Variants in PTPRM observed in about 807,000 individuals in gnomAD.
PTPRM encodes protein tyrosine phosphatase receptor type M, also known as receptor-type tyrosine-protein phosphatase mu.
Under a neutral mutation model 186.7 loss-of-function variants are expected in PTPRM, and 47 were observed. The ratio of observed to expected loss-of-function variants is 0.25; its 90% CI spans 0.20 to 0.32. PTPRM has a LOEUF of 0.32. PTPRM is among the 10% of genes least tolerant of loss of function. PTPRM has a pLI of 1.00. For synonymous variants in PTPRM, 668 were observed against 674.9 expected (o/e 0.99, Z 0.16); for missense variants, 1,494 against 1,865.0 (o/e 0.80, Z 3.66).
At chr18:7,858,820 G>T (rs2047211169) in intron 2 of PTPRM, among the ~76,000 whole-genome samples, 1 of 152,108 alleles carries the variant, frequency 6.6e-6, no homozygotes, top group South Asian at 2.1e-4. Context: ...CACCTATTAA[G>T]TGCCAGTTAG....
intron 2 of PTPRM, among the ~76,000 whole-genome samples, chr18:7,781,740 C>A (rs2042864222): frequency 6.6e-6 from 1 of 152,154 alleles, no homozygotes; most frequent in Non-Finnish European, 1.5e-5. Flanking sequence ...TCCTTTATAA[C>A]CAAGTCTAAC....
At chr18:8,086,364 C>T (rs1367021706) in intron 10 of PTPRM, among the ~76,000 whole-genome samples, 1 of 152,026 alleles carries the variant, frequency 6.6e-6, no homozygotes, top group African/African-American at 2.4e-5. Flanking sequence ...CAGCTTTTTG[C>T]TTTTAGAGAC....
At chr18:7,577,763 G>T (rs2036726555) in intron 1 of PTPRM, among the ~76,000 whole-genome samples, 1 of 152,136 alleles carries the variant, frequency 6.6e-6, no homozygotes, top group Non-Finnish European at 1.5e-5. Context: ...CATTGGCATT[G>T]TGTTCTGTGT....
At chr18:7,900,793 T>A (rs1195899381) in intron 3 of PTPRM, among the ~76,000 whole-genome samples, 1 of 152,186 alleles carries the variant, frequency 6.6e-6, no homozygotes, top group Admixed American at 6.5e-5. Flanking sequence ...GGGGGAAAAT[T>A]AGATAATATA....
chr18:7,789,162 A>C (rs1167155884), intron 2 of PTPRM, among the ~76,000 whole-genome samples: 1 of 152,054 alleles, frequency 6.6e-6, no homozygotes, highest in Non-Finnish European at 1.5e-5. Flanking sequence ...CTCTACAAAA[A>C]TAAAAATACA....
Position 8,344,474 on chromosome 18 carries a change from A to ATATATATATATCTC in PTPRM, c.3054+955_3054+956insATATATATATCTCT, listed in dbSNP as rs1318982857. Among the ~76,000 whole-genome samples, 721 of 147,186 alleles carry ATATATATATATCTC rather than the reference A, an allele frequency of 4.9e-3. 8 individuals carry two copies. Among genetic ancestry groups the ATATATATATATCTC allele is most frequent in the African/African-American group, 0.018 (694 of 38,584 alleles). On this transcript the variant is annotated intron_variant, in intron 23 of 32. Transcript: ENST00000580170. Reference sequence around the variant, plus strand: ...TATATATATATATATATATATATATATCTAGCAAAAATGGCACATTAACCT... The same window carrying ATATATATATATCTC: ...TATATATATATATATATATATATATATATATATATATCTCTCTAGCAAAAATGGCACATTAACCT...
intron 2 of PTPRM, among the ~76,000 whole-genome samples, chr18:7,877,656 C>CAT (rs1423850876): frequency 6.6e-6 from 1 of 152,182 alleles, no homozygotes; most frequent in Non-Finnish European, 1.5e-5. Context: ...TACTCAAGGA[C>CAT]ATACAAGGTG....
chr18:7,919,751 C>T (rs2050756766), intron 4 of PTPRM, among the ~76,000 whole-genome samples: 2 of 152,066 alleles, frequency 1.3e-5, no homozygotes, highest in South Asian at 4.1e-4. Context: ...TGTAGTTTAA[C>T]TTTAATGTTT....
chr18:7,938,385 A>G (rs1256432743), intron 5 of PTPRM, among the ~76,000 whole-genome samples: 1 of 152,216 alleles, frequency 6.6e-6, no homozygotes, highest in Non-Finnish European at 1.5e-5. Context: ...CTTTTAGATC[A>G]TGTTTGAGAG....
chr18:8,297,869 G>T (rs118177843), intron 20 of PTPRM, among the ~76,000 whole-genome samples: 2 of 152,188 alleles, frequency 1.3e-5, no homozygotes, highest in Non-Finnish European at 2.9e-5. Context: ...TTTAGAGCGT[G>T]CTGTATTTAG....
chr18:8,112,003 C>G (rs1328059944), intron 11 of PTPRM, among the ~76,000 whole-genome samples: 2 of 152,140 alleles, frequency 1.3e-5, no homozygotes, highest in Non-Finnish European at 2.9e-5. Context: ...TTTAGTCTTC[C>G]ACTTTGACCT....
At chr18:7,688,380 T>A (rs955185139) in intron 1 of PTPRM, among the ~76,000 whole-genome samples, 4 of 152,168 alleles carry the variant, frequency 2.6e-5, no homozygotes, top group Non-Finnish European at 5.9e-5. Context: ...AAGAGAATAA[T>A]GGAGAAGGAA....
chr18:7,827,185 A>G (rs1272564068), intron 2 of PTPRM, among the ~76,000 whole-genome samples: 1 of 152,176 alleles, frequency 6.6e-6, no homozygotes, highest in African/African-American at 2.4e-5. Context: ...TAAAATAAAC[A>G]TATGTTCCCT....
chr18:7,705,760 T>C (rs1223019062), intron 1 of PTPRM, among the ~76,000 whole-genome samples: 1 of 151,716 alleles, frequency 6.6e-6, no homozygotes, highest in Non-Finnish European at 1.5e-5. Flanking sequence ...GGTCTTGATA[T>C]GTTTCTCAAT....
chr18:8,106,610 C>T (rs969337405), intron 11 of PTPRM, among the ~76,000 whole-genome samples: 3 of 152,234 alleles, frequency 2.0e-5, no homozygotes, highest in Non-Finnish European at 4.4e-5. Flanking sequence ...ACGGGGCAGT[C>T]TGTGCCTAAT....
intron 2 of PTPRM, among the ~76,000 whole-genome samples, chr18:7,838,547 C>A (rs2046169568): frequency 6.6e-6 from 1 of 152,238 alleles, no homozygotes; most frequent in Non-Finnish European, 1.5e-5. Context: ...TCTAAGCCAC[C>A]TGGAGCTGAG....
intron 7 of PTPRM, among the ~76,000 whole-genome samples, chr18:8,025,670 G>A (rs1276978465): frequency 1.3e-5 from 2 of 152,160 alleles, no homozygotes; most frequent in African/African-American, 2.4e-5. Flanking sequence ...CGATATTAGC[G>A]AGAGAACTTT....
At chr18:8,031,569 A>T (rs1401743715) in intron 7 of PTPRM, among the ~76,000 whole-genome samples, 1 of 152,202 alleles carries the variant, frequency 6.6e-6, no homozygotes, top group East Asian at 1.9e-4. Context: ...CCTTAAGTGA[A>T]TGAATTACAG....
At chr18:7,859,785 G>T (rs1333214546) in intron 2 of PTPRM, among the ~76,000 whole-genome samples, 1 of 152,148 alleles carries the variant, frequency 6.6e-6, no homozygotes, top group Non-Finnish European at 1.5e-5. Context: ...AGATTCAGGG[G>T]TTTTTACAGA....
Sources: allele counts gnomAD v4.1 joint callset (sites outside exome capture counted in the v4.1 genomes callset), GRCh38; gene constraint gnomAD v4.1.1; transcripts MANE v1.5; gene names NCBI Gene and HGNC (gene_info 2026-07-23, HGNC 2026-07-21).